RBFOX1: variants seen among roughly 807,000 people sequenced by gnomAD.
RBFOX1 encodes RNA binding protein fox-1 homolog 1.
A neutral mutation model predicts 57.7 loss-of-function variants in RBFOX1; 8 were observed. The ratio of observed to expected loss-of-function variants is 0.14; its 90% CI spans 0.08 to 0.25. The LOEUF is 0.25. Among genes scored for constraint, RBFOX1 ranks in the 10% least tolerant of loss-of-function variants. The pLI is 1.00. For missense variants in RBFOX1, 611 were observed against 548.5 expected (o/e 1.11, Z -1.14); for synonymous variants, 326 against 222.4 (o/e 1.47, Z -4.15).
chr16:7,365,641 T>C (rs1206449522), intron 4 of RBFOX1, among the ~76,000 whole-genome samples: 1 of 152,230 alleles, frequency 6.6e-6, no homozygotes, highest in African/African-American at 2.4e-5. Flanking sequence ...TACAGCATCA[T>C]CTTTGCAAAC....
chr16:6,977,923 C>T (rs1330282536), intron 3 of RBFOX1, among the ~76,000 whole-genome samples: 1 of 129,854 alleles, frequency 7.7e-6, no homozygotes, highest in East Asian at 2.1e-4. Context: ...ACTGCCTCTT[C>T]CAGCCTCCCC....
chr16:6,557,510 A>G (rs746345272), intron 2 of RBFOX1, among the ~76,000 whole-genome samples: 1 of 150,362 alleles, frequency 6.7e-6, no homozygotes, highest in Non-Finnish European at 1.5e-5. Flanking sequence ...GTCTGCAGTA[A>G]TATATGGAAT....
intron 2 of RBFOX1, among the ~76,000 whole-genome samples, chr16:6,595,359 G>A (rs2097766969): frequency 6.6e-6 from 1 of 152,118 alleles, no homozygotes; most frequent in African/African-American, 2.4e-5. Context: ...ATGTTTTCAA[G>A]GGCCATCAAT....
intron 3 of RBFOX1, among the ~76,000 whole-genome samples, chr16:5,824,209 A>G (rs1484780357): frequency 3.3e-5 from 5 of 152,206 alleles, no homozygotes; most frequent in Non-Finnish European, 7.3e-5. Flanking sequence ...AGGACAGAGT[A>G]GGAGGGGGCG....
intron 2 of RBFOX1, among the ~76,000 whole-genome samples, chr16:6,577,828 T>C (rs1020974234): frequency 6.6e-6 from 1 of 152,046 alleles, no homozygotes; most frequent in African/African-American, 2.4e-5. Context: ...AGGAAAAAAA[T>C]AAACCAGATA....
At chr16:7,247,287 T>G (rs1369753913) in intron 4 of RBFOX1, among the ~76,000 whole-genome samples, 1 of 152,108 alleles carries the variant, frequency 6.6e-6, no homozygotes, top group East Asian at 1.9e-4. Flanking sequence ...TCGCTGCCGG[T>G]TAACATTCCT....
chr16:7,220,159 A>G (rs190305021), intron 4 of RBFOX1, among the ~76,000 whole-genome samples: 185 of 152,310 alleles, frequency 1.2e-3, no homozygotes, highest in Middle Eastern at 3.4e-3. Flanking sequence ...CCCACTCCCG[A>G]CAACCATCAT....
intron 1 of RBFOX1, among the ~76,000 whole-genome samples, chr16:5,390,183 C>T (rs555647819): frequency 7.2e-5 from 11 of 151,726 alleles, no homozygotes; most frequent in Admixed American, 2.0e-4. Flanking sequence ...TTTAATTTCA[C>T]AATATATTTT....
At chr16:5,656,170 T>C (rs955436854) in intron 3 of RBFOX1, among the ~76,000 whole-genome samples, 4 of 152,170 alleles carry the variant, frequency 2.6e-5, no homozygotes, top group South Asian at 2.1e-4. Flanking sequence ...TTTCTCTTCT[T>C]AGGTGCATGT....
chr16:6,178,336 G>A (rs776372719), intron 1 of RBFOX1, among the ~76,000 whole-genome samples: 8 of 151,632 alleles, frequency 5.3e-5, no homozygotes, highest in Non-Finnish European at 8.8e-5. Context: ...ACAGGCACGC[G>A]CCACCATGCC....
At chr16:6,280,550 T>C (rs977792557) in intron 1 of RBFOX1, among the ~76,000 whole-genome samples, 3 of 152,016 alleles carry the variant, frequency 2.0e-5, no homozygotes, top group Non-Finnish European at 2.9e-5. Flanking sequence ...CCACACAGCA[T>C]CCAGAGGAGG....
chr16:7,224,251 T>C (rs142117254), intron 4 of RBFOX1, among the ~76,000 whole-genome samples: 331 of 152,130 alleles, frequency 2.2e-3, no homozygotes, highest in African/African-American at 7.7e-3. Flanking sequence ...ATGGCTTCTT[T>C]TAGTCATCGT....
In RBFOX1 at chr16:7,263,941, TAGAA is replaced by T. The variant is rs2095030871; in HGVS notation, c.27+211844_27+211847del. Among the ~76,000 whole-genome samples, 2 of 141,924 alleles carry T rather than the reference TAGAA, an allele frequency of 1.4e-5. 1 individual carries two copies. The highest frequency in any genetic ancestry group is 4.1e-4 in the East Asian group (2 of 4,898). The allele number at this position is 141,924 out of a possible 152,430, so 93.1% of individuals were successfully genotyped here. A position where few individuals can be genotyped will look rare whatever the true frequency, so the allele number is the denominator to read the frequency against. On this transcript the variant is annotated intron_variant, in intron 4 of 15. Coordinates refer to ENST00000550418, the MANE Select transcript of RBFOX1 (RefSeq NM_018723.4). ...AAATTAAAAAAAAAAAAAAAACAAG[TAGAA>T]GGAAGGAGTGATACAACTGAAAGGA...
At position 7,652,985 on chromosome 16, in the gene RBFOX1, C is replaced by T. The variant is rs556615417; in HGVS notation, c.758-830C>T. ...ATGAATAAAAACCACTCATGCAGTT[C>T]GGCCCCAGAGATTGCTAGCATGTGG... On this transcript the variant is annotated intron_variant, in intron 11 of 15. Coordinates refer to ENST00000550418, the MANE Select transcript of RBFOX1 (RefSeq NM_018723.4). Among the ~76,000 whole-genome samples the T allele has an allele frequency of 2.1e-4, 32 of 152,254 alleles. No individual in the cohort carries two copies. In the East Asian group the frequency reaches 5.4e-3, roughly 26 times the overall value.
At chr16:5,744,851 G>T (rs750439089) in intron 3 of RBFOX1, among the ~76,000 whole-genome samples, 1 of 152,074 alleles carries the variant, frequency 6.6e-6, no homozygotes, top group African/African-American at 2.4e-5. Context: ...TCTGCCTCCC[G>T]GGTTCAAACA....
At position 6,051,931 on chromosome 16, in the gene RBFOX1, T is replaced by C. The variant is rs551330101; in HGVS notation, c.-127+31939T>C. ...CTTTGATTTTTCTTTCCAGTTCCAC[T>C]GCCAGAGTCAGAGCCCTACACTCCC... On this transcript the variant is annotated intron_variant, in intron 1 of 15. Coordinates refer to ENST00000550418, the MANE Select transcript of RBFOX1 (RefSeq NM_018723.4). Among the ~76,000 whole-genome samples the C allele has an allele frequency of 1.2e-4, 19 of 152,190 alleles. No individual in the cohort carries two copies. In the South Asian group the frequency reaches 3.9e-3, roughly 32 times the overall value.
chr16:7,497,173 C>T (rs879624554), intron 4 of RBFOX1, among the ~76,000 whole-genome samples: 1 of 152,176 alleles, frequency 6.6e-6, no homozygotes, highest in Admixed American at 6.5e-5. Context: ...CAAATACAAA[C>T]TACTTTATGT....
chr16:5,908,112 A>G lies in RBFOX1; in HGVS notation c.351+40777A>G, dbSNP rs191652789. 1.1e-4 allele frequency among the ~76,000 whole-genome samples: 15 copies of G among 139,556 alleles called. No homozygotes were observed. In the East Asian group the frequency reaches 1.4e-3, roughly 13 times the overall value. The allele number at this position is 139,556 out of a possible 152,430, so 91.6% of individuals were successfully genotyped here. The stretch of plus-strand genomic sequence containing the variant: ...CACATATATACACATATATATATAC[A>G]CATATATACACATATATATATACAC... On this transcript the variant is annotated intron_variant, in intron 4 of 19. Coordinates refer to the RBFOX1 transcript ENST00000641259.
intron 3 of RBFOX1, among the ~76,000 whole-genome samples, chr16:7,011,151 A>T (rs2093635282): frequency 6.6e-6 from 1 of 152,138 alleles, no homozygotes; most frequent in Non-Finnish European, 1.5e-5. Context: ...GAAAAGTCAA[A>T]AACTGCAGAC....
Sources: allele counts gnomAD v4.1 joint callset (sites outside exome capture counted in the v4.1 genomes callset), GRCh38; gene constraint gnomAD v4.1.1; transcripts MANE v1.5; gene names NCBI Gene and HGNC (gene_info 2026-07-23, HGNC 2026-07-21).